Variants in TRIO observed in about 807,000 individuals in gnomAD.
The protein encoded by TRIO is trio Rho guanine nucleotide exchange factor.
In TRIO, 58 loss-of-function variants were observed where a neutral mutation model predicts 351.9. That is an observed-to-expected ratio of 0.16 (90% CI 0.13 to 0.21). The LOEUF (loss-of-function observed/expected upper bound fraction) is 0.21, where lower values mean the gene tolerates loss of function less well. Among genes scored for constraint, TRIO ranks in the 10% least tolerant of loss-of-function variants. The pLI is 1.00. For synonymous variants in TRIO, 1,758 were observed against 1,595.7 expected, an observed-to-expected ratio of 1.10 and a Z score of -2.42; for missense variants, 3,201 against 4,027.8, an observed-to-expected ratio of 0.79 and a Z score of 5.56.
chr5:14,248,025 C>T (rs1473807653), intron 1 of TRIO, among the ~76,000 whole-genome samples: 1 of 148,080 alleles, frequency 6.8e-6, no homozygotes, highest in Non-Finnish European at 1.5e-5. Context: ...GAGATTGCGC[C>T]ACTGCACTCC....
chr5:14,409,181 C>T (rs374062458), intron 33 of TRIO, among the ~76,000 whole-genome samples: 251 of 152,228 alleles, frequency 1.6e-3, no homozygotes, highest in African/African-American at 5.7e-3. Context: ...CCCTAAGGCG[C>T]GTGGCTGATT....
At chr5:14,486,633 C>T (rs1289829659) in intron 47 of TRIO, among the ~76,000 whole-genome samples, 2 of 152,148 alleles carry the variant, frequency 1.3e-5, no homozygotes, top group East Asian at 1.9e-4. Flanking sequence ...CCAGATTGCA[C>T]GCATGGTCTG....
intron 34 of TRIO, among the ~76,000 whole-genome samples, chr5:14,434,080 CTTGAAA>C (rs999437650): frequency 2.6e-5 from 4 of 152,124 alleles, no homozygotes; most frequent in African/African-American, 9.7e-5. Flanking sequence ...ATAACAGACA[CTTGAAA>C]TTGAAGTCCA....
At chr5:14,430,799 T>G (rs949848190) in intron 34 of TRIO, among the ~76,000 whole-genome samples, 1 of 152,038 alleles carries the variant, frequency 6.6e-6, no homozygotes, top group Non-Finnish European at 1.5e-5. Context: ...CACCGCAATC[T>G]CCGCCTCCCG....
intron 30 of TRIO, chr5:14,399,352 A>T (rs1320984455): frequency 6.7e-6 from 3 of 446,154 alleles, no homozygotes; most frequent in Non-Finnish European, 1.2e-5. Context: ...GAAATCATTT[A>T]TCTCCGGTGT....
At chr5:14,335,024 T>C (rs1444326042) in intron 10 of TRIO, among the ~76,000 whole-genome samples, 1 of 148,556 alleles carries the variant, frequency 6.7e-6, no homozygotes, top group Non-Finnish European at 1.5e-5. Context: ...ATCTGTCTCG[T>C]GTGTGTGTGT....
rs1027045588 is a variant in TRIO, at chr5:14,475,477, C to T, written c.6083+1380C>T. On this transcript the variant is annotated intron_variant, in intron 40 of 56. Coordinates refer to ENST00000344204, the MANE Select transcript of TRIO (RefSeq NM_007118.4). ...CTGGACAGACATGAGGAGGAACTAC[C>T]GTGTCACGTATCAAGTAGTGTTGTT... 2.0e-5 allele frequency among the ~76,000 whole-genome samples: 3 copies of T among 152,328 alleles called. No homozygotes were observed. The South Asian group carries it at 6.2e-4, about 32-fold the overall frequency.
intron 1 of TRIO, among the ~76,000 whole-genome samples, chr5:14,155,791 A>T (rs1788066966): frequency 6.6e-6 from 1 of 152,178 alleles, no homozygotes; most frequent in Non-Finnish European, 1.5e-5. Flanking sequence ...GATGACTTGC[A>T]GGTCTCTCCA....
At chr5:14,460,481 T>TTACACA (rs1753695725) in intron 34 of TRIO, among the ~76,000 whole-genome samples, 3 of 152,230 alleles carry the variant, frequency 2.0e-5, no homozygotes, top group African/African-American at 7.2e-5. Flanking sequence ...ACTGTCATTT[T>TTACACA]ATCCGTAATA....
At chr5:14,370,702 TCA>T (rs1266804391) in intron 18 of TRIO, among the ~76,000 whole-genome samples, 1 of 152,178 alleles carries the variant, frequency 6.6e-6, no homozygotes, top group Non-Finnish European at 1.5e-5. Flanking sequence ...GAAAAAACCA[TCA>T]CAGTTTCCAC....
intron 11 of TRIO, 141 bp downstream of exon 11, chr5:14,336,868 G>T: frequency 2.3e-6 from 2 of 879,966 alleles, no homozygotes; most frequent in South Asian, 3.5e-5. Context: ...TGCTGAGTGT[G>T]TCTGCGTGGA....
chr5:14,144,638 TGGAGGC>T (rs1352996010), intron 1 of TRIO, among the ~76,000 whole-genome samples: 1 of 150,118 alleles, frequency 6.7e-6, no homozygotes, highest in Non-Finnish European at 1.5e-5. Context: ...GGCGTGGAGG[TGGAGGC>T]GGTGCCAGGT....
At chr5:14,317,877 A>T (rs549990020) in intron 9 of TRIO, among the ~76,000 whole-genome samples, 179 of 152,246 alleles carry the variant, frequency 1.2e-3, no homozygotes, top group African/African-American at 4.1e-3. Context: ...CTGTAATCCC[A>T]GCACTTTAGG....
At chr5:14,275,143 A>C (rs1401371237) in intron 2 of TRIO, among the ~76,000 whole-genome samples, 1 of 152,210 alleles carries the variant, frequency 6.6e-6, no homozygotes, top group Non-Finnish European at 1.5e-5. Flanking sequence ...TTACTTTTTC[A>C]ATTATATATT....
chr5:14,310,461 T>G (rs750124583), intron 8 of TRIO, among the ~76,000 whole-genome samples: 6 of 152,240 alleles, frequency 3.9e-5, no homozygotes, highest in Non-Finnish European at 7.3e-5. Context: ...ATGTGCCAAC[T>G]TAGTGTGTGC....
chr5:14,160,199 G>A (rs145205490), intron 1 of TRIO, among the ~76,000 whole-genome samples: 234 of 152,284 alleles, frequency 1.5e-3, no homozygotes, highest in Middle Eastern at 0.014. Context: ...TTAAGAACAC[G>A]TAGAGCAGGT....
At chr5:14,340,847 C>T (rs1741880248) in intron 11 of TRIO, among the ~76,000 whole-genome samples, 1 of 152,130 alleles carries the variant, frequency 6.6e-6, no homozygotes, top group Non-Finnish European at 1.5e-5. Context: ...ATGCATTTTA[C>T]CTAGGGGACA....
In TRIO at chr5:14,406,547, A is replaced by G. The variant is rs764233187; in HGVS notation, c.4860-26A>G. 3.7e-6 allele frequency: 6 copies of G among 1,610,288 alleles called. No homozygotes were observed. In the East Asian group the frequency reaches 1.3e-4, roughly 36 times the overall value. On this transcript the variant is annotated intron_variant, in intron 32 of 56. Coordinates refer to ENST00000344204, the MANE Select transcript of TRIO (RefSeq NM_007118.4). ...TGACTGCCAGCTCAGCAGCATCAGG[A>G]ACTAAAAGTTTCTTTGCACCGCCAG...
At chr5:14,495,441 A>G (rs1328125129) in intron 49 of TRIO, among the ~76,000 whole-genome samples, 2 of 152,156 alleles carry the variant, frequency 1.3e-5, no homozygotes, top group African/African-American at 4.8e-5. Flanking sequence ...TACTCTGGGT[A>G]TAATGCTATC....
Sources: gnomAD v4.1 joint callset for allele counts (sites outside exome capture counted in the v4.1 genomes callset) on GRCh38, gnomAD v4.1.1 for gene constraint, MANE v1.5 for transcripts, NCBI Gene and HGNC (gene_info 2026-07-23, HGNC 2026-07-21) for gene names.